EPHA8: variants seen among roughly 807,000 people sequenced by gnomAD.
EPHA8 encodes the protein EPH receptor A8, also known as ephrin type-A receptor 8.
Under a neutral mutation model 103.6 loss-of-function variants are expected in EPHA8, and 58 were observed. That is an observed-to-expected ratio of 0.56 (90% CI 0.45 to 0.70). The LOEUF (loss-of-function observed/expected upper bound fraction) is 0.70. EPHA8 is among the 30% of genes least tolerant of loss of function. The pLI is 0.00. For synonymous variants in EPHA8, 559 were observed against 572.5 expected, an observed-to-expected ratio of 0.98 and a Z score of 0.34; for missense variants, 1,304 against 1,395.2, an observed-to-expected ratio of 0.93 and a Z score of 1.04.
Position 22,588,875 on chromosome 1 carries a change from A to G in EPHA8, c.984A>G (p.Pro328=), listed in dbSNP as rs548515407. ...TCTGTCATCCTCTGCCCTCAGGGCC[A>G]CCCTCGGCACCAGTGAACCTGATCT... ...LDPPSSACTR[P]PSAPVNLISS... The change falls in exon 5 of 17, where the codon CCA becomes CCG. Residue 328 remains proline, a synonymous_variant. Transcript: ENST00000166244. 100 of 1,581,606 alleles carry G rather than the reference A, an allele frequency of 6.3e-5. No individual in the cohort carries two copies. The East Asian group carries it at 1.9e-3, about 31-fold the overall frequency.
chr1:22,587,021 C>T (rs1641231833), intron 4 of EPHA8, among the ~76,000 whole-genome samples: 1 of 152,280 alleles, frequency 6.6e-6, no homozygotes, highest in Admixed American at 6.5e-5. Flanking sequence ...CTTCCATCAC[C>T]ATCATCTTTG....
At chr1:22,588,286 G>T (rs1332025183) in intron 4 of EPHA8, among the ~76,000 whole-genome samples, 2 of 150,622 alleles carry the variant, frequency 1.3e-5, no homozygotes, top group African/African-American at 5.0e-5. Context: ...CCACGTCCTG[G>T]TCTCCTCAAC....
Position 22,567,787 on chromosome 1 carries a change from C to A in EPHA8, c.95-1502C>A, listed in dbSNP as rs1055997563. ...ACGGGAAAGTTCCAGGAGAGCTCCA[C>A]CTTTAACCCCCGTCACCTGCCCAAG... is the stretch of plus-strand genomic sequence containing the variant. On this transcript the variant is annotated intron_variant, in intron 1 of 16. Transcript: ENST00000166244. The surrounding 1 kb of genome is among the most constrained non-coding windows in gnomAD (Gnocchi z 4.2). Among the ~76,000 whole-genome samples, 1 of 152,320 alleles carries A rather than the reference C, an allele frequency of 6.6e-6. No individual in the cohort carries two copies. The highest frequency in any genetic ancestry group is 1.9e-4 in the East Asian group (1 of 5,164).
At chr1:22,564,833 A>G (rs999236727) in intron 1 of EPHA8, among the ~76,000 whole-genome samples, 1 of 152,080 alleles carries the variant, frequency 6.6e-6, no homozygotes, top group Non-Finnish European at 1.5e-5. Context: ...CAGGGACCAG[A>G]GCTGGGTCCT....
chr1:22,586,701 C>T (rs1641219913), intron 4 of EPHA8, 66 bp downstream of exon 4: 3 of 1,573,150 alleles, frequency 1.9e-6, no homozygotes, highest in Middle Eastern at 1.7e-4. Flanking sequence ...TGTGTTTGGT[C>T]CTCCAGGCCT....
intron 4 of EPHA8, 38 bp from the exon 5 acceptor site, chr1:22,588,833 A>G: frequency 6.5e-7 from 1 of 1,537,914 alleles, no homozygotes; most frequent in South Asian, 1.2e-5. Context: ...CAGCCCAAAT[A>G]AATAACCACT....
chr1:22,570,558 T>C (rs1219019799), intron 2 of EPHA8, among the ~76,000 whole-genome samples: 1 of 75,910 alleles, frequency 1.3e-5, no homozygotes, highest in Non-Finnish European at 2.4e-5. Context: ...GAAGGGCCTT[T>C]CTTGACTTTG....
At chr1:22,590,201 T>C (rs1033828868) in intron 5 of EPHA8, among the ~76,000 whole-genome samples, 6 of 151,970 alleles carry the variant, frequency 3.9e-5, no homozygotes, top group African/African-American at 1.5e-4. Context: ...ATGTGCCCCG[T>C]GGTAGAGCCC....
At position 22,598,002 on chromosome 1, in the gene EPHA8, C is replaced by A; in HGVS notation, c.2116+141C>A. The A allele has an allele frequency of 7.0e-7, 1 of 1,436,518 alleles. No individual in the cohort carries two copies. Among genetic ancestry groups the A allele is most frequent in the South Asian group, 1.2e-5 (1 of 84,358 alleles). The allele number at this position is 1,436,518 out of a possible 1,614,324, so 89.0% of individuals were successfully genotyped here. On this transcript the variant is annotated intron_variant, in intron 11 of 16. Coordinates refer to ENST00000166244, the MANE Select transcript of EPHA8 (RefSeq NM_020526.5). This position sits in a 1 kb window ranked among gnomAD's most constrained non-coding sequence, Gnocchi z 5.1. ...CAGGTCCCTGAATGACTCGGGGTGC[C>A]CAGAGCCTGGGACCCCAGTGGAAAC...
At chr1:22,570,287 TACAC>T (rs571581853) in intron 2 of EPHA8, among the ~76,000 whole-genome samples, 10 of 151,496 alleles carry the variant, frequency 6.6e-5, no homozygotes, top group African/African-American at 2.2e-4. Context: ...TGCACGCGCG[TACAC>T]ACACATGCAC....
chr1:22,597,970 C>A lies in EPHA8; in HGVS notation c.2116+109C>A. The A allele has an allele frequency of 1.3e-6, 2 of 1,484,972 alleles. No homozygotes were observed. The highest frequency in any genetic ancestry group is 2.0e-5 in the Admixed American group (1 of 51,160). 92.0% of individuals were successfully genotyped at this position (1,484,972 alleles called of 1,614,324 possible). A position where few individuals can be genotyped will look rare whatever the true frequency, so the allele number is the denominator to read the frequency against. Reference sequence around the variant, plus strand: ...GCTCTGCCCCACCTGACCCTGTCCTCTTGGTTCAGGTCCCTGAATGACTCG... The same window carrying A: ...GCTCTGCCCCACCTGACCCTGTCCTATTGGTTCAGGTCCCTGAATGACTCG... On this transcript the variant is annotated intron_variant, in intron 11 of 16. Transcript: ENST00000166244. The surrounding 1 kb of genome is among the most constrained non-coding windows in gnomAD (Gnocchi z 4.6).
intron 3 of EPHA8, among the ~76,000 whole-genome samples, chr1:22,579,478 G>A (rs989056469): frequency 7.3e-5 from 11 of 151,692 alleles, no homozygotes; most frequent in African/African-American, 2.2e-4. Flanking sequence ...GCATGTATAC[G>A]TGAGTGTATG....
chr1:22,597,531 C>G lies in EPHA8; in HGVS notation c.1930+55C>G. 6.3e-7 allele frequency: 1 copy of G among 1,586,870 alleles called. No homozygotes were observed. The highest frequency in any genetic ancestry group is 2.2e-5 in the East Asian group (1 of 44,598). On this transcript the variant is annotated intron_variant, in intron 10 of 16. Coordinates refer to ENST00000166244, the MANE Select transcript of EPHA8 (RefSeq NM_020526.5). This position sits in a 1 kb window ranked among gnomAD's most constrained non-coding sequence, Gnocchi z 4.6. ...CAGCATGGGGCAAGGTGGGGGCACC[C>G]AGGGCAAGGTGGGGGCACCCAGGGC...
At chr1:22,595,207 C>CCAA in intron 7 of EPHA8, 23 bp from the exon 8 acceptor site, 1 of 1,592,440 alleles carries the variant, frequency 6.3e-7, no homozygotes, top group Non-Finnish European at 8.6e-7. Flanking sequence ...GCCTGGTCCC[C>CCAA]CAACCCTGGC....
At chr1:22,581,740 A>G (rs998299445) in intron 3 of EPHA8, among the ~76,000 whole-genome samples, 1 of 152,250 alleles carries the variant, frequency 6.6e-6, no homozygotes, top group South Asian at 2.1e-4. Context: ...TGAATTTTAC[A>G]TTTAAATAAT....
At chr1:22,596,038 C>T in intron 8 of EPHA8, 68 bp from the exon 9 acceptor site, 1 of 1,470,998 alleles carries the variant, frequency 6.8e-7, no homozygotes, top group African/African-American at 1.4e-5. Flanking sequence ...TGACTCGTTC[C>T]CTGGTTGGGG....
chr1:22,578,036 T>TGTGC (rs1557559101), intron 3 of EPHA8, among the ~76,000 whole-genome samples: 1 of 85,546 alleles, frequency 1.2e-5, no homozygotes, highest in Non-Finnish European at 2.3e-5. Context: ...TGTGCATGTG[T>TGTGC]ATGTATGTGC....
intron 3 of EPHA8, among the ~76,000 whole-genome samples, chr1:22,580,181 C>G (rs1204877748): frequency 7.4e-6 from 1 of 135,204 alleles, no homozygotes; most frequent in African/African-American, 2.8e-5. Context: ...CTTTTGTTGC[C>G]CAGGCTGGAG....
At chr1:22,582,575 C>G (rs1641075394) in intron 3 of EPHA8, among the ~76,000 whole-genome samples, 1 of 152,218 alleles carries the variant, frequency 6.6e-6, no homozygotes, top group Admixed American at 6.5e-5. Context: ...GTCCAGTTTA[C>G]CACTGGGGAA....
Sources: allele counts gnomAD v4.1 joint callset (sites outside exome capture counted in the v4.1 genomes callset), GRCh38; gene constraint gnomAD v4.1.1; non-coding constraint Gnocchi (gnomAD v3.1); transcripts MANE v1.5; gene names NCBI Gene and HGNC (gene_info 2026-07-23, HGNC 2026-07-21).